The following DEPDC1B variants were observed in gnomAD, a reference collection of about 807,000 sequenced individuals.
The protein encoded by DEPDC1B is DEP domain containing 1B, also known as DEP domain-containing protein 1B.
A neutral mutation model predicts 66.5 loss-of-function variants in DEPDC1B; 51 were observed. That is an observed-to-expected ratio of 0.77 (90% CI 0.61 to 0.97). The LOEUF is 0.97. DEPDC1B is among the 50% of genes least tolerant of loss of function. The pLI, the probability that DEPDC1B is intolerant of heterozygous loss-of-function variation, is 0.00. For missense variants in DEPDC1B, 552 were observed against 637.1 expected (o/e 0.87, Z 1.44); for synonymous variants, 226 against 223.6 (o/e 1.01, Z -0.10).
intron 7 of DEPDC1B, among the ~76,000 whole-genome samples, chr5:60,631,647 T>C (rs1752927474): frequency 6.6e-6 from 1 of 152,244 alleles, no homozygotes; most frequent in South Asian, 2.1e-4. Flanking sequence ...ATTTGCATCA[T>C]ATGGGTCCTA....
Position 60,687,050 on chromosome 5 carries a change from G to A in DEPDC1B, c.226C>T (p.Leu76=), listed in dbSNP as rs764290887. The A allele has an allele frequency of 8.1e-6, 13 of 1,614,124 alleles. No homozygotes were observed. In the Admixed American group the frequency reaches 2.2e-4, roughly 27 times the overall value. ...EVTRKQTVQL[L]KKFLKNHVIE... ...ACGTGATTCTTCAGGAATTTTTTTA[G>A]CAGCTGGACCGTTTGTTTGCGGGTC... is the stretch of plus-strand genomic sequence containing the variant. Residue 76 remains leucine, a synonymous_variant, in exon 2 of 11, where the codon CTA becomes TTA. Coordinates refer to ENST00000265036, the MANE Select transcript of DEPDC1B (RefSeq NM_018369.3).
At chr5:60,660,336 GAGAAAGA>G (rs530258947) in intron 2 of DEPDC1B, among the ~76,000 whole-genome samples, 1,876 of 151,830 alleles carry the variant, frequency 0.012, 15 homozygotes, top group Non-Finnish European at 0.02. Context: ...GAGAGAGAGA[GAGAAAGA>G]AAAGAAGTAG....
intron 7 of DEPDC1B, among the ~76,000 whole-genome samples, chr5:60,625,207 C>T (rs896569444): frequency 6.6e-6 from 1 of 152,090 alleles, no homozygotes; most frequent in Admixed American, 6.5e-5. Context: ...AATAAACATA[C>T]GTGTGCATGT....
chr5:60,634,611 G>A (rs1190242948), intron 7 of DEPDC1B, among the ~76,000 whole-genome samples: 1 of 151,728 alleles, frequency 6.6e-6, no homozygotes, highest in Non-Finnish European at 1.5e-5. Context: ...GAGGGAGCTT[G>A]CAGTGAGCCG....
chr5:60,598,030 G>A (rs1356057567), intron 10 of DEPDC1B, 116 bp from the exon 11 acceptor site: 1 of 893,726 alleles, frequency 1.1e-6, no homozygotes, highest in East Asian at 3.0e-5. Flanking sequence ...GTTTATTTTT[G>A]TTAAAACATT....
intron 3 of DEPDC1B, among the ~76,000 whole-genome samples, chr5:60,647,094 C>A (rs773055864): frequency 1.3e-5 from 2 of 151,698 alleles, no homozygotes; most frequent in African/African-American, 2.4e-5. Flanking sequence ...ACCACCCCCA[C>A]CCCCACCCCA....
intron 2 of DEPDC1B, among the ~76,000 whole-genome samples, chr5:60,665,302 ATTAT>A (rs1753812837): frequency 6.6e-6 from 1 of 152,202 alleles, no homozygotes; most frequent in Non-Finnish European, 1.5e-5. Flanking sequence ...TGGCCAAATC[ATTAT>A]TTATTGGACC....
In DEPDC1B at chr5:60,597,217, G is replaced by T. The variant is rs1470601005; in HGVS notation, c.*536C>A. On this transcript the variant is annotated 3_prime_UTR_variant, in exon 11 of 11. Coordinates refer to ENST00000265036, the MANE Select transcript of DEPDC1B (RefSeq NM_018369.3). ...AACATCCAATAAATCTGCAATAAAA[G>T]ACATAGCTATCACAATATAAGACAT... 6.6e-6 allele frequency: 1 copy of T among 152,424 alleles called. No homozygotes were observed. The highest frequency in any genetic ancestry group is 1.5e-5 in the Non-Finnish European group (1 of 68,002). 9.4% of individuals were successfully genotyped at this position (152,424 alleles called of 1,614,324 possible).
At chr5:60,605,625 T>G in intron 8 of DEPDC1B, 65 bp downstream of exon 8, 1 of 1,550,322 alleles carries the variant, frequency 6.5e-7, no homozygotes, top group Non-Finnish European at 8.7e-7. Context: ...TCACCCAAAC[T>G]AATACACCTT....
chr5:60,633,544 G>C (rs565813309), intron 7 of DEPDC1B, among the ~76,000 whole-genome samples: 2 of 152,290 alleles, frequency 1.3e-5, no homozygotes, highest in East Asian at 3.9e-4. Flanking sequence ...CCTGCTGGAG[G>C]GAGACATGTG....
intron 7 of DEPDC1B, among the ~76,000 whole-genome samples, chr5:60,614,712 C>A (rs1223998986): frequency 6.6e-6 from 1 of 152,050 alleles, no homozygotes; most frequent in Admixed American, 6.6e-5. Context: ...ATTAGCAGGC[C>A]AGGCATGGTG....
At chr5:60,655,019 C>T (rs1215964680) in intron 2 of DEPDC1B, among the ~76,000 whole-genome samples, 2 of 148,922 alleles carry the variant, frequency 1.3e-5, no homozygotes, top group African/African-American at 2.5e-5. Context: ...CTGTTGGATT[C>T]GGTTAGGTAG....
At chr5:60,676,843 G>A (rs1335018446) in intron 2 of DEPDC1B, among the ~76,000 whole-genome samples, 1 of 152,112 alleles carries the variant, frequency 6.6e-6, no homozygotes, top group Non-Finnish European at 1.5e-5. Context: ...ACAATGGCCA[G>A]GCAGATAACA....
At chr5:60,618,292 C>G (rs1584034043) in intron 7 of DEPDC1B, among the ~76,000 whole-genome samples, 1 of 152,032 alleles carries the variant, frequency 6.6e-6, no homozygotes, top group Admixed American at 6.6e-5. Context: ...AAGATCAGAG[C>G]AGAACTGAAG....
At chr5:60,659,157 GC>G (rs774054487) in intron 2 of DEPDC1B, among the ~76,000 whole-genome samples, 2 of 152,118 alleles carry the variant, frequency 1.3e-5, no homozygotes, top group Non-Finnish European at 2.9e-5. Flanking sequence ...AATCCATGAG[GC>G]CAAGAACCCC....
At chr5:60,621,298 A>T (rs940087434) in intron 7 of DEPDC1B, among the ~76,000 whole-genome samples, 4 of 151,812 alleles carry the variant, frequency 2.6e-5, no homozygotes, top group Admixed American at 2.6e-4. Flanking sequence ...ATAAAATTTT[A>T]AAAATAAAAA....
chr5:60,671,566 G>A (rs935534135), intron 2 of DEPDC1B, among the ~76,000 whole-genome samples: 4 of 152,182 alleles, frequency 2.6e-5, no homozygotes, highest in African/African-American at 9.7e-5. Flanking sequence ...TCTGGCATGT[G>A]GTCTTAGGCT....
At chr5:60,646,147 A>G (rs566583927) in intron 3 of DEPDC1B, among the ~76,000 whole-genome samples, 2 of 152,352 alleles carry the variant, frequency 1.3e-5, no homozygotes, top group East Asian at 3.9e-4. Flanking sequence ...AGATGGCAAA[A>G]GGAACAGAAA....
At chr5:60,682,183 C>A (rs1017955600) in intron 2 of DEPDC1B, among the ~76,000 whole-genome samples, 5 of 152,098 alleles carry the variant, frequency 3.3e-5, no homozygotes, top group Admixed American at 3.3e-4. Flanking sequence ...TACTATGCAG[C>A]CATAAAAAAT....
Sources: gnomAD v4.1 joint callset for allele counts (sites outside exome capture counted in the v4.1 genomes callset) on GRCh38, gnomAD v4.1.1 for gene constraint, MANE v1.5 for transcripts, NCBI Gene and HGNC (gene_info 2026-07-23, HGNC 2026-07-21) for gene names.